Variants in C5orf58 observed in about 807,000 individuals in gnomAD.
C5orf58 encodes putative uncharacterized protein C5orf58.
C5orf58 carries 2 observed loss-of-function variants against 2.9 expected under a neutral mutation model. The observed-to-expected ratio is 0.69, with a 90% CI of 0.28 to 2.18. The LOEUF (loss-of-function observed/expected upper bound fraction) is 2.18. C5orf58 is among the 30% of genes most tolerant of loss of function. The pLI is 0.13. For synonymous variants in C5orf58, 37 were observed against 33.4 expected, an observed-to-expected ratio of 1.11 and a Z score of -0.37; for missense variants, 96 against 91.7, an observed-to-expected ratio of 1.05 and a Z score of -0.19.
At chr5:170,239,710 T>C (rs748765978) in intron 3 of C5orf58, among the ~76,000 whole-genome samples, 2 of 152,222 alleles carry the variant, frequency 1.3e-5, no homozygotes, top group Non-Finnish European at 1.5e-5. Flanking sequence ...AGCCGAGAAG[T>C]TGGGCTAAAG....
rs1226170414 is a variant in C5orf58 at position 170,235,007 on chromosome 5, C to T, written c.31C>T (p.Leu11=). 5 of 1,547,628 alleles carry T rather than the reference C, an allele frequency of 3.2e-6. No homozygotes were observed. Among genetic ancestry groups the T allele is most frequent in the Admixed American group, 3.5e-5 (2 of 56,644 alleles). Residue 11 remains leucine, a synonymous_variant, in exon 3 of 4, where the codon CTA becomes TTA. Coordinates refer to ENST00000593851, the MANE Select transcript of C5orf58 (RefSeq NM_001102609.3). ...TAAGAAGCGTGTTACTGATCATAAG[C>T]TAAATGTGGACAAAGTAATTAAAAA... MGKKRVTDHK[L]NVDKVIKNIN... is the part of the protein sequence containing the mutation.
downstream of C5orf58, chr5:170,247,819 G>A (rs1418652125): frequency 6.6e-6 from 1 of 152,184 alleles, no homozygotes; most frequent in African/African-American, 2.4e-5. Flanking sequence ...GAAGCCTTTG[G>A]TAAAATCTAT....
chr5:170,242,912 T>C (rs1466327078), intron 3 of C5orf58, among the ~76,000 whole-genome samples: 2 of 144,532 alleles, frequency 1.4e-5, no homozygotes, highest in African/African-American at 5.1e-5. Flanking sequence ...CTTGTGGGCA[T>C]TTAGTGCTAT....
At chr5:170,249,861 A>G (rs1214318983), downstream of C5orf58, among the ~76,000 whole-genome samples, 1 of 152,232 alleles carries the variant, frequency 6.6e-6, no homozygotes, top group Admixed American at 6.5e-5. Flanking sequence ...GGGAGCTGCA[A>G]TGAGTGGTTG....
exon 3 of C5orf58, chr5:170,252,186 C>T (rs1277019147): frequency 3.1e-6 from 1 of 322,656 alleles, no homozygotes; most frequent in African/African-American, 2.1e-5. Flanking sequence ...TTAATAAAAT[C>T]TCCTAAGATG....
downstream of C5orf58, chr5:170,248,760 A>G (rs751035960): frequency 8.3e-5 from 133 of 1,610,614 alleles, no homozygotes; most frequent in Non-Finnish European, 1.1e-4. Context: ...TTTTCCCATC[A>G]ATGAGCAGAA....
chr5:170,252,011 C>A, exon 3 of C5orf58: 1 of 197,140 alleles, frequency 5.1e-6, no homozygotes, highest in Non-Finnish European at 1.1e-5. Context: ...ACGTCTAGGG[C>A]AAAAAGCAAA....
At chr5:170,242,220 G>A (rs1449272552) in intron 3 of C5orf58, among the ~76,000 whole-genome samples, 1 of 147,674 alleles carries the variant, frequency 6.8e-6, no homozygotes, top group East Asian at 2.0e-4. Context: ...GTTCATCAAG[G>A]ATATTGGTCT....
chr5:170,250,912 G>A, downstream of C5orf58: 2 of 1,603,900 alleles, frequency 1.2e-6, no homozygotes, highest in South Asian at 1.1e-5. Context: ...CTGTTATTAT[G>A]GGAGCAGTAA....
chr5:170,245,284 G>A (rs2113129928), intron 3 of C5orf58, among the ~76,000 whole-genome samples: 1 of 152,346 alleles, frequency 6.6e-6, no homozygotes, highest in South Asian at 2.1e-4. Context: ...GCCTCTTTGA[G>A]CTGTGGTGGG....
At chr5:170,234,787 G>T in intron 2 of C5orf58, 190 bp from the exon 3 acceptor site, 1 of 384,270 alleles carries the variant, frequency 2.6e-6, no homozygotes, top group Non-Finnish European at 4.7e-6. Context: ...TCCAGTTGGA[G>T]TTTTTAGTTG....
chr5:170,237,440 TC>T (rs1760790950), intron 3 of C5orf58: 2 of 395,870 alleles, frequency 5.1e-6, no homozygotes. Flanking sequence ...AAGCAACTAG[TC>T]AGTGGTACAC....
chr5:170,243,672 C>G (rs1296419595), intron 3 of C5orf58, among the ~76,000 whole-genome samples: 1 of 149,214 alleles, frequency 6.7e-6, no homozygotes, highest in Non-Finnish European at 1.5e-5. Flanking sequence ...CTATGTGTGT[C>G]TCTGCACGTG....
chr5:170,245,598 C>G (rs1274186836), intron 3 of C5orf58, among the ~76,000 whole-genome samples: 1 of 152,228 alleles, frequency 6.6e-6, no homozygotes, highest in Non-Finnish European at 1.5e-5. Flanking sequence ...CCTTGCACTT[C>G]CCAAGTGAGG....
At chr5:170,238,784 A>T (rs1450578236) in intron 3 of C5orf58, among the ~76,000 whole-genome samples, 3 of 152,226 alleles carry the variant, frequency 2.0e-5, no homozygotes, top group Non-Finnish European at 4.4e-5. Context: ...TCTGAAAAAA[A>T]TATGATTTCC....
At chr5:170,249,362 G>GTGTATATATA (rs549497220), downstream of C5orf58, among the ~76,000 whole-genome samples, 2 of 108,146 alleles carry the variant, frequency 1.8e-5, no homozygotes, top group African/African-American at 6.2e-5. Flanking sequence ...GCATGCGTGT[G>GTGTATATATA]TATATATATA....
intron 3 of C5orf58, among the ~76,000 whole-genome samples, 171 bp from the exon 4 acceptor site, chr5:170,245,791 T>A (rs1183610166): frequency 6.6e-6 from 1 of 152,218 alleles, no homozygotes; most frequent in Non-Finnish European, 1.5e-5. Flanking sequence ...CCATCTTGGC[T>A]CCTCGAGAGC....
downstream of C5orf58, chr5:170,248,842 A>T: frequency 6.2e-7 from 1 of 1,609,766 alleles, no homozygotes; most frequent in South Asian, 1.1e-5. Flanking sequence ...AGATAGGGAG[A>T]TGAGTCAACA....
At chr5:170,240,064 T>C (rs1360011917) in intron 3 of C5orf58, among the ~76,000 whole-genome samples, 3 of 150,926 alleles carry the variant, frequency 2.0e-5, no homozygotes. Flanking sequence ...CTGAGAATGA[T>C]GATTTCCAAT....
Sources: gnomAD v4.1 joint callset for allele counts (sites outside exome capture counted in the v4.1 genomes callset) on GRCh38, gnomAD v4.1.1 for gene constraint, MANE v1.5 for transcripts, NCBI Gene and HGNC (gene_info 2026-07-23, HGNC 2026-07-21) for gene names.